FUT8: variants seen among roughly 807,000 people sequenced by gnomAD.
FUT8 encodes alpha-(1,6)-fucosyltransferase.
FUT8 carries 29 observed loss-of-function variants against 71.3 expected under a neutral mutation model. The observed-to-expected ratio is 0.41, with a 90% confidence interval of 0.30 to 0.55. The LOEUF is 0.55. Among genes scored for constraint, FUT8 ranks in the 20% least tolerant of loss-of-function variants. The pLI, the probability that FUT8 is intolerant of heterozygous loss-of-function variation, is 0.34. For missense variants in FUT8, 544 were observed against 702.1 expected (o/e 0.77, Z 2.55); for synonymous variants, 254 against 239.3 (o/e 1.06, Z -0.57).
At chr14:65,655,568 T>C (rs921168219) in intron 6 of FUT8, among the ~76,000 whole-genome samples, 21 of 150,834 alleles carry the variant, frequency 1.4e-4, no homozygotes, top group African/African-American at 4.4e-4. Flanking sequence ...AAGGAAGATA[T>C]AACGATAATA....
chr14:65,724,263 A>C lies in FUT8; in HGVS notation c.1199A>C (p.Asp400Ala), dbSNP rs751254833. Residue 400 changes from aspartate to alanine, a missense_variant, in exon 9 of 11, where the codon GAC (aspartate) becomes GCC (alanine). Physicochemically the swap from Asp to Ala is moderately radical, Grantham distance 126. Transcript: ENST00000673929. ...CTTCTTGCACGCAGAATGCAAGTGGACAAAAAAAGAGTGTATTTGGCCACA... is the reference window on the plus strand; with the variant it reads ...CTTCTTGCACGCAGAATGCAAGTGGCCAAAAAAAGAGTGTATTTGGCCACA... Reference protein sequence around the residue: ...FQLLARRMQVDKKRVYLATDD... With the variant: ...FQLLARRMQVAKKRVYLATDD... 6.2e-7 allele frequency: 1 copy of C among 1,613,252 alleles called. No homozygotes were observed. Among genetic ancestry groups the C allele is most frequent in the Admixed American group, 1.7e-5 (1 of 59,694 alleles).
At chr14:65,713,445 G>T (rs899347136) in intron 7 of FUT8, among the ~76,000 whole-genome samples, 4 of 152,136 alleles carry the variant, frequency 2.6e-5, no homozygotes, top group Admixed American at 2.6e-4. Context: ...TCATATGGTA[G>T]CTCAATTTTT....
At chr14:65,658,792 G>T (rs1432089175) in intron 6 of FUT8, among the ~76,000 whole-genome samples, 3 of 151,976 alleles carry the variant, frequency 2.0e-5, no homozygotes, top group African/African-American at 7.2e-5. Context: ...AGTATAAGGG[G>T]TTTCTTTGCT....
chr14:65,664,627 T>C (rs1401189454), intron 6 of FUT8, among the ~76,000 whole-genome samples: 4 of 152,120 alleles, frequency 2.6e-5, no homozygotes, highest in South Asian at 4.1e-4. Context: ...TGGAGGTAAC[T>C]TGTAGTTTCC....
chr14:65,741,517 GTAAC>G (rs1238506624), intron 10 of FUT8, among the ~76,000 whole-genome samples: 2 of 151,930 alleles, frequency 1.3e-5, no homozygotes, highest in Non-Finnish European at 2.9e-5. Flanking sequence ...GTATACATAT[GTAAC>G]TAACCTGCAC....
At chr14:65,373,793 C>T in the FUT8 span, among the ~76,000 whole-genome samples, 1 of 152,162 alleles carries the variant, frequency 6.6e-6, no homozygotes, top group Admixed American at 6.5e-5. Context: ...GCTGCTAATG[C>T]GCCAAAAGCC....
chr14:65,742,469 T>A lies in FUT8; in HGVS notation c.*59T>A. 13 of 1,473,828 alleles carry A rather than the reference T, an allele frequency of 8.8e-6. No individual in the cohort carries two copies. The highest frequency in any genetic ancestry group is 1.2e-5 in the Non-Finnish European group (13 of 1,079,476). The allele number at this position is 1,473,828 out of a possible 1,614,324, so 91.3% of individuals were successfully genotyped here. On this transcript the variant is annotated 3_prime_UTR_variant, in exon 11 of 11. Coordinates refer to ENST00000673929, the MANE Select transcript of FUT8 (RefSeq NM_001371533.1). ...GTTCGACCAAACTCAGTTCAAACCA[T>A]TTCAGCCAAACTGTAGATGAAGAGG...
At chr14:65,599,299 T>C (rs1205991326) in intron 3 of FUT8, among the ~76,000 whole-genome samples, 1 of 152,180 alleles carries the variant, frequency 6.6e-6, no homozygotes, top group Non-Finnish European at 1.5e-5. Flanking sequence ...CTAAAACTCA[T>C]TGAGCATTAC....
chr14:65,653,003 G>A (rs772561745), intron 6 of FUT8, among the ~76,000 whole-genome samples: 9 of 152,196 alleles, frequency 5.9e-5, no homozygotes, highest in Admixed American at 1.3e-4. Flanking sequence ...TCCAAAGGTA[G>A]TCACTTCAAG....
intron 3 of FUT8, among the ~76,000 whole-genome samples, chr14:65,615,074 G>A (rs1039934634): frequency 6.6e-6 from 1 of 152,150 alleles, no homozygotes; most frequent in Non-Finnish European, 1.5e-5. Flanking sequence ...TGATAGAAAT[G>A]AATAGAACAA....
At chr14:65,448,508 G>A (rs1953418) in intron 1 of FUT8, among the ~76,000 whole-genome samples, 105,330 of 152,112 alleles carry the variant, frequency 0.69, 36,756 homozygotes, top group East Asian at 0.9. Context: ...ATATTGTACT[G>A]TTTGATCCTT....
chr14:65,423,464 G>C (rs1214286394), intron 1 of FUT8, among the ~76,000 whole-genome samples: 1 of 151,750 alleles, frequency 6.6e-6, no homozygotes, highest in African/African-American at 2.4e-5. Context: ...GGGTTTCACA[G>C]TGTTAGTCAG....
chr14:65,726,930 G>A (rs924110417), intron 9 of FUT8, among the ~76,000 whole-genome samples: 4 of 152,100 alleles, frequency 2.6e-5, no homozygotes, highest in Non-Finnish European at 2.9e-5. Context: ...CAAAACAAAG[G>A]GGCTACAGGC....
intron 7 of FUT8, among the ~76,000 whole-genome samples, chr14:65,682,848 A>G (rs1216259395): frequency 1.3e-5 from 2 of 152,300 alleles, no homozygotes; most frequent in East Asian, 1.9e-4. Flanking sequence ...AAGTGAATCA[A>G]AAACAAATCT....
the FUT8 span, among the ~76,000 whole-genome samples, chr14:65,376,706 C>T: frequency 6.6e-6 from 1 of 152,130 alleles, no homozygotes; most frequent in South Asian, 2.1e-4. Flanking sequence ...GCCGCTGTGC[C>T]CTGCTCACAG....
the FUT8 span, among the ~76,000 whole-genome samples, chr14:65,376,746 A>G: frequency 6.6e-6 from 1 of 152,062 alleles, no homozygotes; most frequent in South Asian, 2.1e-4. Flanking sequence ...TTTTTCTTTC[A>G]TAGCAGACAA....
At chr14:65,525,000 A>G (rs1032614018) in intron 2 of FUT8, among the ~76,000 whole-genome samples, 6 of 152,156 alleles carry the variant, frequency 3.9e-5, no homozygotes, top group African/African-American at 1.4e-4. Context: ...GGAGTTTTGC[A>G]TCTATGTTCA....
intron 9 of FUT8, among the ~76,000 whole-genome samples, chr14:65,732,924 A>T (rs909301837): frequency 6.6e-6 from 1 of 152,228 alleles, no homozygotes; most frequent in Non-Finnish European, 1.5e-5. Flanking sequence ...ATAAACTCTT[A>T]AAAGTCACTC....
chr14:65,578,141 TTAATA>T (rs2140103756), intron 3 of FUT8, among the ~76,000 whole-genome samples: 1 of 152,250 alleles, frequency 6.6e-6, no homozygotes, highest in Non-Finnish European at 1.5e-5. Flanking sequence ...AATATTTTAT[TTAATA>T]TAATGTATGA....
Sources: allele counts gnomAD v4.1 joint callset (sites outside exome capture counted in the v4.1 genomes callset), GRCh38; gene constraint gnomAD v4.1.1; transcripts MANE v1.5; gene names NCBI Gene and HGNC (gene_info 2026-07-23, HGNC 2026-07-21).